Variants in FBXL7 observed in about 807,000 individuals in gnomAD.
FBXL7 encodes the protein F-box/LRR-repeat protein 7.
FBXL7 carries 12 observed loss-of-function variants against 38.3 expected under a neutral mutation model. The ratio of observed to expected loss-of-function variants is 0.31; its 90% confidence interval spans 0.20 to 0.51. The LOEUF is 0.51. FBXL7 is among the 20% of genes least tolerant of loss of function. The pLI, the probability that FBXL7 is intolerant of heterozygous loss-of-function variation, is 0.98. For missense variants in FBXL7, 567 were observed against 676.4 expected (o/e 0.84, Z 1.79); for synonymous variants, 297 against 300.9 (o/e 0.99, Z 0.13).
Position 15,865,423 on chromosome 5 carries a change from A to C in FBXL7, c.128-62467A>C, listed in dbSNP as rs575693699. 1.7e-4 allele frequency among the ~76,000 whole-genome samples: 26 copies of C among 152,328 alleles called. 1 individual carries two copies. The South Asian group carries it at 5.4e-3, about 32-fold the overall frequency. On this transcript the variant is annotated intron_variant, in intron 2 of 3. Coordinates refer to ENST00000504595, the MANE Select transcript of FBXL7 (RefSeq NM_012304.5). ...CGAAGAGGGCTTTAAAGAGAGAAAG[A>C]TTTGAATTGAGATTATATATGTCAG...
intron 1 of FBXL7, among the ~76,000 whole-genome samples, chr5:15,550,503 A>G (rs2126421002): frequency 6.7e-6 from 1 of 150,308 alleles, no homozygotes; most frequent in East Asian, 1.9e-4. Context: ...TTAGGCCTGA[A>G]AAGAGCCAAG....
At chr5:15,671,072 A>T (rs186522392) in intron 2 of FBXL7, among the ~76,000 whole-genome samples, 1 of 152,148 alleles carries the variant, frequency 6.6e-6, no homozygotes, top group Non-Finnish European at 1.5e-5. Context: ...AGTCAAGGCA[A>T]CCGAGAGTGG....
chr5:15,814,257 A>G (rs1321590902), intron 2 of FBXL7, among the ~76,000 whole-genome samples: 1 of 152,194 alleles, frequency 6.6e-6, no homozygotes. Flanking sequence ...ATAAAAAAGG[A>G]TGAGTTCGTG....
chr5:15,681,293 T>A (rs1742834670), intron 2 of FBXL7, among the ~76,000 whole-genome samples: 1 of 152,232 alleles, frequency 6.6e-6, no homozygotes, highest in Non-Finnish European at 1.5e-5. Flanking sequence ...ATTATGCTGA[T>A]AATGTCAACA....
At chr5:15,669,254 T>C (rs1405826796) in intron 2 of FBXL7, among the ~76,000 whole-genome samples, 18 of 152,210 alleles carry the variant, frequency 1.2e-4, no homozygotes, top group Non-Finnish European at 2.6e-4. Context: ...GAGGTATGAT[T>C]GACCTACTAA....
chr5:15,921,492 C>G (rs1488777196), intron 2 of FBXL7, among the ~76,000 whole-genome samples: 1 of 152,048 alleles, frequency 6.6e-6, no homozygotes, highest in Non-Finnish European at 1.5e-5. Context: ...CCCATCCACG[C>G]TAATACACAG....
chr5:15,812,850 C>T (rs905573176), intron 2 of FBXL7, among the ~76,000 whole-genome samples: 2 of 152,086 alleles, frequency 1.3e-5, no homozygotes, highest in African/African-American at 4.8e-5. Context: ...CCTTCACATC[C>T]TTGTAAGTTG....
At chr5:15,652,700 G>A (rs773326743) in intron 2 of FBXL7, among the ~76,000 whole-genome samples, 6 of 152,150 alleles carry the variant, frequency 3.9e-5, no homozygotes, top group Non-Finnish European at 7.3e-5. Context: ...CCATGATAGG[G>A]TTATTAATTG....
chr5:15,680,090 T>G (rs1254543572), intron 2 of FBXL7, among the ~76,000 whole-genome samples: 2 of 152,198 alleles, frequency 1.3e-5, no homozygotes, highest in Admixed American at 6.5e-5. Context: ...TGCAGTTTTT[T>G]TCCAGTCCTT....
Position 15,598,352 on chromosome 5 carries a change from A to G in FBXL7, c.38-17631A>G, listed in dbSNP as rs114451127. 8.8e-3 allele frequency among the ~76,000 whole-genome samples: 1,338 copies of G among 152,328 alleles called. 15 individuals carry two copies. Among genetic ancestry groups the G allele is most frequent in the African/African-American group, 0.031 (1,277 of 41,584 alleles). ...TACTTATTCAACCTTTCATAGAGTC[A>G]GTCTAAAATTAAAAAATGCTCTTTT... On this transcript the variant is annotated intron_variant, in intron 1 of 3. Transcript: ENST00000504595.
chr5:15,574,507 T>TA (rs1428954088), intron 1 of FBXL7, among the ~76,000 whole-genome samples: 1 of 152,184 alleles, frequency 6.6e-6, no homozygotes, highest in Non-Finnish European at 1.5e-5. Context: ...GAAATTAGAT[T>TA]AAGACTAAAA....
At position 15,669,398 on chromosome 5, in the gene FBXL7, C is replaced by G. The variant is rs531599206; in HGVS notation, c.127+53326C>G. Among the ~76,000 whole-genome samples the G allele has an allele frequency of 2.5e-3, 383 of 152,304 alleles. 1 individual carries two copies. The highest frequency in any genetic ancestry group is 4.1e-3 in the Non-Finnish European group (281 of 68,024). Reference sequence around the variant, plus strand: ...GACTGATGGCCCCAGTTGCTGTGCTCTGACCCAACAGTGCATTTATCCCAG... The same window carrying G: ...GACTGATGGCCCCAGTTGCTGTGCTGTGACCCAACAGTGCATTTATCCCAG... On this transcript the variant is annotated intron_variant, in intron 2 of 3. Coordinates refer to ENST00000504595, the MANE Select transcript of FBXL7 (RefSeq NM_012304.5).
At chr5:15,823,660 A>G (rs1738230916) in intron 2 of FBXL7, among the ~76,000 whole-genome samples, 1 of 152,106 alleles carries the variant, frequency 6.6e-6, no homozygotes, top group African/African-American at 2.4e-5. Context: ...TAGCTCAGTT[A>G]ACCCAGACCT....
chr5:15,925,866 C>T (rs953014973), intron 2 of FBXL7, among the ~76,000 whole-genome samples: 6 of 152,166 alleles, frequency 3.9e-5, no homozygotes, highest in African/African-American at 1.2e-4. Context: ...AAGTGATACA[C>T]ATTCAGTAGA....
intron 2 of FBXL7, among the ~76,000 whole-genome samples, chr5:15,768,428 G>A (rs1446799785): frequency 6.6e-6 from 1 of 152,056 alleles, no homozygotes; most frequent in Non-Finnish European, 1.5e-5. Flanking sequence ...CTACTCGGGA[G>A]GCTGAGACAG....
At chr5:15,586,723 A>C (rs940514744) in intron 1 of FBXL7, among the ~76,000 whole-genome samples, 1 of 152,218 alleles carries the variant, frequency 6.6e-6, no homozygotes, top group Admixed American at 6.5e-5. Flanking sequence ...CTCTCAATCT[A>C]AACTACACAT....
intron 2 of FBXL7, among the ~76,000 whole-genome samples, chr5:15,820,775 T>G (rs866787794): frequency 1.3e-5 from 2 of 152,162 alleles, no homozygotes; most frequent in Non-Finnish European, 2.9e-5. Context: ...ACCACGGTTC[T>G]GGACCCTGAC....
Position 15,662,343 on chromosome 5 carries a change from A to G in FBXL7, c.127+46271A>G, listed in dbSNP as rs573756249. 4.3e-4 allele frequency among the ~76,000 whole-genome samples: 66 copies of G among 152,106 alleles called. 1 individual carries two copies. The Middle Eastern group carries it at 0.01, about 24-fold the overall frequency. On this transcript the variant is annotated intron_variant, in intron 2 of 3. Transcript: ENST00000504595. ...GTTCTTTGCCCAATTTTAAATTTAA[A>G]GGGTTTGTTTGTTTTTCTCCTATAA...
At chr5:15,508,762 T>C (rs910661952) in intron 1 of FBXL7, among the ~76,000 whole-genome samples, 1 of 152,230 alleles carries the variant, frequency 6.6e-6, no homozygotes, top group African/African-American at 2.4e-5. Context: ...TCCCTCACTT[T>C]TTCTGGGCTA....
Sources: allele counts gnomAD v4.1 joint callset (sites outside exome capture counted in the v4.1 genomes callset), GRCh38; gene constraint gnomAD v4.1.1; transcripts MANE v1.5; gene names NCBI Gene and HGNC (gene_info 2026-07-23, HGNC 2026-07-21).